Variants in CYTH1 observed in about 807,000 individuals in gnomAD.
CYTH1 encodes the protein cytohesin 1.
Under a neutral mutation model 61.8 loss-of-function variants are expected in CYTH1, and 18 were observed. The ratio of observed to expected loss-of-function variants is 0.29; its 90% CI spans 0.20 to 0.43. CYTH1 has a LOEUF of 0.43. Among genes scored for constraint, CYTH1 ranks in the 20% least tolerant of loss-of-function variants. The pLI, the probability that CYTH1 is intolerant of heterozygous loss-of-function variation, is 1.00. For missense variants in CYTH1, 336 were observed against 510.5 expected (o/e 0.66, Z 3.29); for synonymous variants, 174 against 184.3 (o/e 0.94, Z 0.45).
At chr17:78,746,182 G>T (rs796805043) in intron 1 of CYTH1, among the ~76,000 whole-genome samples, 3 of 152,300 alleles carry the variant, frequency 2.0e-5, no homozygotes, top group African/African-American at 7.2e-5. Flanking sequence ...ATGGGGAAAA[G>T]AGAAGTATGT....
intron 1 of CYTH1, among the ~76,000 whole-genome samples, chr17:78,771,135 C>T (rs1328175917): frequency 6.6e-6 from 1 of 152,084 alleles, no homozygotes. Flanking sequence ...TGGTGGTGCC[C>T]GCCTGTAATC....
intron 1 of CYTH1, among the ~76,000 whole-genome samples, chr17:78,737,222 T>C (rs749460369): frequency 1.3e-5 from 2 of 152,192 alleles, no homozygotes; most frequent in South Asian, 4.1e-4. Flanking sequence ...CTTAATTATT[T>C]GCACATAAGC....
chr17:78,747,171 G>GA (rs1183340964), intron 1 of CYTH1, among the ~76,000 whole-genome samples: 1 of 96,696 alleles, frequency 1.0e-5, no homozygotes, highest in African/African-American at 3.9e-5. Flanking sequence ...AAAAAAAAAA[G>GA]AAAAAACTAC....
At chr17:78,767,487 T>C (rs2093453591) in intron 1 of CYTH1, among the ~76,000 whole-genome samples, 1 of 152,048 alleles carries the variant, frequency 6.6e-6, no homozygotes, top group Admixed American at 6.6e-5. Flanking sequence ...AGCCTGAGCA[T>C]AAAGCAAATA....
chr17:78,772,257 G>GT (rs1460934859), intron 1 of CYTH1, among the ~76,000 whole-genome samples: 2 of 152,126 alleles, frequency 1.3e-5, no homozygotes, highest in African/African-American at 4.8e-5. Flanking sequence ...CGGCTCTCAA[G>GT]TTGAAGTCTT....
intron 9 of CYTH1, 92 bp downstream of exon 9, chr17:78,698,177 A>G (rs534605508): frequency 8.1e-5 from 84 of 1,033,666 alleles, no homozygotes; most frequent in South Asian, 4.7e-4. Context: ...AAACACGCAC[A>G]CGCGCACACA....
At position 78,693,688 on chromosome 17, in the gene CYTH1, G is replaced by A. The variant is rs1459333196; in HGVS notation, c.815-1195C>T. On this transcript the variant is annotated intron_variant, in intron 10 of 13. Transcript: ENST00000446868. ...GGGGCCGTGAAGTTATGCTGAGACA[G>A]ACATGAAGGAAGGAAAAATTTCCCC... 2.0e-5 allele frequency among the ~76,000 whole-genome samples: 3 copies of A among 150,392 alleles called. No homozygotes were observed. The East Asian group carries it at 5.8e-4, about 29-fold the overall frequency.
intron 12 of CYTH1, among the ~76,000 whole-genome samples, chr17:78,680,598 A>G (rs2092750312): frequency 6.6e-6 from 1 of 152,190 alleles, no homozygotes; most frequent in South Asian, 2.1e-4. Context: ...ATGCGGAGAG[A>G]ACTGCAGGTG....
intron 10 of CYTH1, 58 bp downstream of exon 10, chr17:78,695,949 A>G: frequency 1.5e-6 from 2 of 1,364,206 alleles, no homozygotes; most frequent in East Asian, 9.1e-5. Flanking sequence ...AAATCAGAAA[A>G]TGCTGCAGTA....
At chr17:78,780,921 C>T (rs911410981) in intron 1 of CYTH1, among the ~76,000 whole-genome samples, 1 of 152,024 alleles carries the variant, frequency 6.6e-6, no homozygotes, top group Admixed American at 6.6e-5. Context: ...GCAGGAGAAT[C>T]GCTCAGCTCA....
At chr17:78,693,165 C>A (rs1400475644) in intron 10 of CYTH1, among the ~76,000 whole-genome samples, 1 of 152,190 alleles carries the variant, frequency 6.6e-6, no homozygotes, top group African/African-American at 2.4e-5. Context: ...TCAACTCGTA[C>A]TGAGAGGTGG....
At chr17:78,744,269 A>G (rs1047656489) in intron 1 of CYTH1, among the ~76,000 whole-genome samples, 1 of 152,186 alleles carries the variant, frequency 6.6e-6, no homozygotes, top group Non-Finnish European at 1.5e-5. Flanking sequence ...AACAATGAAC[A>G]CTTTCAAACC....
chr17:78,760,742 A>T (rs1430614611), intron 1 of CYTH1, among the ~76,000 whole-genome samples: 4 of 151,672 alleles, frequency 2.6e-5, no homozygotes, highest in Non-Finnish European at 5.9e-5. Context: ...AAAGCATCAT[A>T]TACTTATCTT....
intron 1 of CYTH1, among the ~76,000 whole-genome samples, chr17:78,730,768 C>T (rs1475115431): frequency 1.3e-5 from 2 of 151,704 alleles, no homozygotes; most frequent in East Asian, 2.0e-4. Context: ...GGGTTCACGC[C>T]GTTCTCCTGC....
intron 1 of CYTH1, among the ~76,000 whole-genome samples, chr17:78,762,496 A>G (rs1020315422): frequency 1.3e-5 from 2 of 152,198 alleles, no homozygotes; most frequent in African/African-American, 4.8e-5. Context: ...AAAGGCACTA[A>G]GGTAGATGTA....
chr17:78,736,985 GC>G (rs1483006640), intron 1 of CYTH1: 2 of 155,882 alleles, frequency 1.3e-5, no homozygotes, highest in African/African-American at 4.8e-5. Flanking sequence ...TCGAGCTCAA[GC>G]ACCTTCCGAG....
Position 78,719,391 on chromosome 17 carries a change from G to C in CYTH1, c.23-9659C>G, listed in dbSNP as rs114011353. Reference sequence around the variant, plus strand: ...CTATAGGATAAGAAGGCAGTGCTGTGAGGCATGGCTAACAACTGCAGGTAA... The same window carrying C: ...CTATAGGATAAGAAGGCAGTGCTGTCAGGCATGGCTAACAACTGCAGGTAA... On this transcript the variant is annotated intron_variant, in intron 1 of 13. Coordinates refer to ENST00000446868, the MANE Select transcript of CYTH1 (RefSeq NM_004762.6). Among the ~76,000 whole-genome samples the C allele has an allele frequency of 3.2e-3, 480 of 152,250 alleles. 1 individual carries two copies. The highest frequency in any genetic ancestry group is 0.011 in the African/African-American group (441 of 41,560).
At chr17:78,730,247 C>T (rs972259585) in intron 1 of CYTH1, among the ~76,000 whole-genome samples, 5 of 151,550 alleles carry the variant, frequency 3.3e-5, no homozygotes, top group East Asian at 1.9e-4. Context: ...CTGACTAGGC[C>T]GGGCGCGGTG....
chr17:78,683,757 G>A (rs1164983683), intron 11 of CYTH1, among the ~76,000 whole-genome samples: 2 of 152,172 alleles, frequency 1.3e-5, no homozygotes, highest in East Asian at 1.9e-4. Context: ...TCAGGGGCAT[G>A]AGGTGAGGGC....
Sources: allele counts gnomAD v4.1 joint callset (sites outside exome capture counted in the v4.1 genomes callset), GRCh38; gene constraint gnomAD v4.1.1; transcripts MANE v1.5; gene names NCBI Gene and HGNC (gene_info 2026-07-23, HGNC 2026-07-21).